Variants in UCK2 observed in about 807,000 individuals in gnomAD.
UCK2 encodes cytidine monophosphokinase 2.
UCK2 carries 6 observed loss-of-function variants against 30.8 expected under a neutral mutation model. That is an observed-to-expected ratio of 0.19 (90% CI 0.11 to 0.38). The LOEUF is 0.38. Ranked by LOEUF, UCK2 falls within the 10% of genes least tolerant of loss-of-function variation. UCK2 has a pLI of 1.00. For synonymous variants in UCK2, 125 were observed against 133.6 expected, an observed-to-expected ratio of 0.94 and a Z score of 0.45; for missense variants, 210 against 339.8, an observed-to-expected ratio of 0.62 and a Z score of 3.00.
chr1:165,900,292 GC>G (rs1178972386), intron 4 of UCK2: 1 of 152,200 alleles, frequency 6.6e-6, no homozygotes, highest in African/African-American at 2.4e-5. Context: ...TTGAACATGT[GC>G]TAAGGTGCCA....
At position 165,830,375 on chromosome 1, in the gene UCK2, A is replaced by G. The variant is rs1654016384; in HGVS notation, c.99+2443A>G. Among the ~76,000 whole-genome samples, 4 of 148,680 alleles carry G rather than the reference A, an allele frequency of 2.7e-5. No individual in the cohort carries two copies. In the South Asian group the frequency reaches 8.5e-4, roughly 32 times the overall value. ...AGTCTTGCTCTGTTGCCCAGGCTGGAGTGCAGTGGCATGATCTCGGCTCAC... is the reference window on the plus strand; with the variant it reads ...AGTCTTGCTCTGTTGCCCAGGCTGGGGTGCAGTGGCATGATCTCGGCTCAC... On this transcript the variant is annotated intron_variant, in intron 1 of 6. Transcript: ENST00000367879.
chr1:165,903,686 G>A (rs980026753), intron 5 of UCK2, among the ~76,000 whole-genome samples: 1 of 152,206 alleles, frequency 6.6e-6, no homozygotes, highest in Non-Finnish European at 1.5e-5. Flanking sequence ...TGTGCCCCGA[G>A]ATGTTCCCCT....
intron 1 of UCK2, among the ~76,000 whole-genome samples, chr1:165,862,801 G>A (rs78659630): frequency 0.015 from 2,342 of 152,246 alleles, 68 homozygotes; most frequent in African/African-American, 0.054. Flanking sequence ...CCGACACAGA[G>A]AGAGAGGCCA....
At chr1:165,870,271 A>G (rs560360960) in intron 1 of UCK2, among the ~76,000 whole-genome samples, 1 of 150,036 alleles carries the variant, frequency 6.7e-6, no homozygotes, top group South Asian at 2.1e-4. Context: ...GATAATTTTA[A>G]TATGTGAATG....
chr1:165,854,954 A>T (rs935247665), intron 1 of UCK2, among the ~76,000 whole-genome samples: 1 of 152,228 alleles, frequency 6.6e-6, no homozygotes, highest in Non-Finnish European at 1.5e-5. Flanking sequence ...ATAAATTCCC[A>T]TACGAAGGTA....
At chr1:165,857,765 C>G (rs369893367) in intron 1 of UCK2, among the ~76,000 whole-genome samples, 2 of 152,316 alleles carry the variant, frequency 1.3e-5, no homozygotes, top group South Asian at 2.1e-4. Flanking sequence ...TACCACATGT[C>G]CTTCCCCTGC....
Position 165,829,415 on chromosome 1 carries a change from T to TTTG in UCK2, c.99+1495_99+1497dup, listed in dbSNP as rs1189359393. Reference sequence around the variant, plus strand: ...TATTCCTGTTGGATTGGGAGCATTTTTTGTTGTTGTTGTTCATGGCTGTTT... The same window carrying TTTG: ...TATTCCTGTTGGATTGGGAGCATTTTTTGTTGTTGTTGTTGTTCATGGCTGTTT... On this transcript the variant is annotated intron_variant, in intron 1 of 6. Transcript: ENST00000367879. Among the ~76,000 whole-genome samples the TTTG allele has an allele frequency of 3.3e-5, 5 of 152,328 alleles. No homozygotes were observed. In the East Asian group the frequency reaches 9.6e-4, roughly 29 times the overall value.
Position 165,850,927 on chromosome 1 carries a change from A to T in UCK2, c.99+22995A>T, listed in dbSNP as rs1441875988. 4.5e-5 allele frequency among the ~76,000 whole-genome samples: 5 copies of T among 109,932 alleles called. No homozygotes were observed. The East Asian group carries it at 8.5e-4, about 19-fold the overall frequency. The allele number at this position is 109,932 out of a possible 152,430, so 72.1% of individuals were successfully genotyped here. On this transcript the variant is annotated intron_variant, in intron 1 of 6. Transcript: ENST00000367879. ...GTGAGCCACCACGCCTGGCCTTTAA[A>T]TTTTTTTTTTTTTTTTTTTTTTTTT...
At position 165,903,128 on chromosome 1, in the gene UCK2, G is replaced by T. The variant is rs1395928085; in HGVS notation, c.500-54G>T. ...GCTAGGTCCACCCCATGAAGGGCGG[G>T]TGTGTGCTGGCTCCTACACCGTTTT... On this transcript the variant is annotated intron_variant, in intron 4 of 6. Transcript: ENST00000367879. The T allele has an allele frequency of 6.3e-6, 9 of 1,422,806 alleles. No homozygotes were observed. The African/African-American group carries it at 7.1e-5, about 11-fold the overall frequency. The allele number at this position is 1,422,806 out of a possible 1,614,324, so 88.1% of individuals were successfully genotyped here. A position where few individuals can be genotyped will look rare whatever the true frequency, so the allele number is the denominator to read the frequency against.
Position 165,876,863 on chromosome 1 carries a change from C to T in UCK2, c.100-13341C>T, listed in dbSNP as rs1181663812. Among the ~76,000 whole-genome samples, 7 of 152,320 alleles carry T rather than the reference C, an allele frequency of 4.6e-5. No homozygotes were observed. The East Asian group carries it at 1.3e-3, about 29-fold the overall frequency. On this transcript the variant is annotated intron_variant, in intron 1 of 6. Transcript: ENST00000367879. ...GTATCACCCCAGTCTCTACTTTCAC[C>T]TTTATATGGCTTTCCCTCATGTCTC... is the stretch of plus-strand genomic sequence containing the variant.
At chr1:165,892,484 C>G (rs527604551) in intron 3 of UCK2, among the ~76,000 whole-genome samples, 1 of 152,308 alleles carries the variant, frequency 6.6e-6, no homozygotes, top group Non-Finnish European at 1.5e-5. Flanking sequence ...AGCTTATGGA[C>G]TGTTTGCAAA....
In UCK2 at chr1:165,848,231, T is replaced by C. The variant is rs1654499212; in HGVS notation, c.99+20299T>C. Among the ~76,000 whole-genome samples the C allele has an allele frequency of 2.0e-5, 3 of 152,234 alleles. No individual in the cohort carries two copies. In the South Asian group the frequency reaches 6.2e-4, roughly 32 times the overall value. On this transcript the variant is annotated intron_variant, in intron 1 of 6. Transcript: ENST00000367879. ...GGTTGCAGTTTATTTAGGTTTATTTTATGACTTGCTCATTTTTCTCCTCAG... is the reference window on the plus strand; with the variant it reads ...GGTTGCAGTTTATTTAGGTTTATTTCATGACTTGCTCATTTTTCTCCTCAG...
chr1:165,829,097 G>A (rs1270936675), intron 1 of UCK2, among the ~76,000 whole-genome samples: 2 of 151,920 alleles, frequency 1.3e-5, no homozygotes, highest in East Asian at 3.9e-4. Context: ...TTTCCCTCCT[G>A]GTCTGGACTA....
chr1:165,907,376 A>T (rs1647701121), intron 6 of UCK2, among the ~76,000 whole-genome samples: 1 of 152,268 alleles, frequency 6.6e-6, no homozygotes, highest in East Asian at 1.9e-4. Context: ...ACGTCTGCAG[A>T]CTTTGGCCCG....
At chr1:165,879,925 CT>C (rs1460857903) in intron 1 of UCK2, among the ~76,000 whole-genome samples, 4 of 152,126 alleles carry the variant, frequency 2.6e-5, no homozygotes, top group Non-Finnish European at 4.4e-5. Flanking sequence ...CCCTGTTGCT[CT>C]GTATTTGGGC....
chr1:165,903,415 C>T, intron 5 of UCK2, 136 bp downstream of exon 5: 1 of 720,018 alleles, frequency 1.4e-6, no homozygotes, highest in Non-Finnish European at 2.3e-6. Flanking sequence ...GTCCTGAAGT[C>T]CTAAGAGAGG....
intron 1 of UCK2, among the ~76,000 whole-genome samples, chr1:165,843,496 T>TC (rs1382899866): frequency 5.3e-5 from 8 of 152,106 alleles, no homozygotes; most frequent in African/African-American, 1.7e-4. Context: ...GATTGATGAC[T>TC]CAATGCCTGA....
intron 1 of UCK2, among the ~76,000 whole-genome samples, chr1:165,882,975 C>T (rs10737520): frequency 0.99 from 151,412 of 152,208 alleles, 75,315 homozygotes; most frequent in Middle Eastern, 1. Context: ...CAGGCGCGTG[C>T]CACCACACCC....
At chr1:165,861,366 C>G (rs915070534) in intron 1 of UCK2, among the ~76,000 whole-genome samples, 1 of 152,056 alleles carries the variant, frequency 6.6e-6, no homozygotes, top group Non-Finnish European at 1.5e-5. Context: ...CGGTGGCTCA[C>G]GCCTGTAATC....
Sources: allele counts gnomAD v4.1 joint callset (sites outside exome capture counted in the v4.1 genomes callset), GRCh38; gene constraint gnomAD v4.1.1; transcripts MANE v1.5; gene names NCBI Gene and HGNC (gene_info 2026-07-23, HGNC 2026-07-21).